Variants in EIF3A observed in about 807,000 individuals in gnomAD.
EIF3A encodes the protein eukaryotic translation initiation factor 3 subunit A.
Under a neutral mutation model 186.6 loss-of-function variants are expected in EIF3A, and 21 were observed. The observed-to-expected ratio is 0.11, with a 90% confidence interval of 0.08 to 0.16. The LOEUF (loss-of-function observed/expected upper bound fraction) is 0.16. EIF3A is among the 10% of genes least tolerant of loss of function. The pLI, the probability that EIF3A is intolerant of heterozygous loss-of-function variation, is 1.00. For synonymous variants in EIF3A, 563 were observed against 584.3 expected, an observed-to-expected ratio of 0.96 and a Z score of 0.52; for missense variants, 1,306 against 1,796.3, an observed-to-expected ratio of 0.73 and a Z score of 4.93.
chr10:119,041,005 CAAAAAAAAAAAA>C (rs34452005), intron 19 of EIF3A, among the ~76,000 whole-genome samples: 15 of 78,730 alleles, frequency 1.9e-4, no homozygotes, highest in Non-Finnish European at 2.8e-4. Flanking sequence ...ACTCCGTCTC[CAAAAAAAAAAAA>C]AAAAAAAAAA....
chr10:119,080,530 C>T, intron 1 of EIF3A, 98 bp downstream of exon 1: 1 of 1,443,340 alleles, frequency 6.9e-7, no homozygotes, highest in Non-Finnish European at 9.0e-7. Context: ...CCTCTCCCCG[C>T]GCGGGCCGGG....
At chr10:119,066,059 T>C (rs1413882555) in intron 6 of EIF3A, among the ~76,000 whole-genome samples, 1 of 151,078 alleles carries the variant, frequency 6.6e-6, no homozygotes, top group South Asian at 2.1e-4. Flanking sequence ...GAGCTTGCAG[T>C]GAGCCAAGAT....
At chr10:119,057,904 G>T in intron 12 of EIF3A, 52 bp downstream of exon 12, 1 of 1,435,056 alleles carries the variant, frequency 7.0e-7, no homozygotes. Flanking sequence ...GGTTCTAAGA[G>T]TACAAAATAC....
At position 119,059,675 on chromosome 10, in the gene EIF3A, G is replaced by T. The variant is rs1297302670; in HGVS notation, c.1370C>A (p.Ser457Tyr). The T allele has an allele frequency of 6.2e-7, 1 of 1,614,096 alleles. No homozygotes were observed. Among genetic ancestry groups the T allele is most frequent in the Non-Finnish European group, 8.5e-7 (1 of 1,180,000 alleles). Reference protein sequence around the residue: ...YQSIEFSRLTSLVPFVDAFQL... With the variant: ...YQSIEFSRLTYLVPFVDAFQL... ...GAAAGCATCAACAAAAGGAACCAAA[G>T]AAGTCAAACGAGAAAACTCAATGCT... The change falls in exon 10 of 22, where the codon TCT becomes TAT. Residue 457 changes from serine (S) to tyrosine (Y), a missense_variant. Ser to Tyr is a moderately radical substitution (Grantham distance 144, BLOSUM62 -2). Around this residue, in one of 8 missense-constraint regions of EIF3A, gnomAD observed 267 missense variants for 367.8 expected, o/e 0.73. Coordinates refer to ENST00000369144, the MANE Select transcript of EIF3A (RefSeq NM_003750.4).
intron 15 of EIF3A, among the ~76,000 whole-genome samples, 185 bp from the exon 16 acceptor site, chr10:119,050,859 T>C (rs551559754): frequency 1.3e-5 from 2 of 152,294 alleles, no homozygotes; most frequent in East Asian, 3.9e-4. Flanking sequence ...TTTTAAAACA[T>C]TTAAATTGTT....
Position 119,058,064 on chromosome 10 carries a change from A to C in EIF3A, c.1869T>G (p.Arg623=). 1 of 1,614,238 alleles carries C rather than the reference A, an allele frequency of 6.2e-7. No individual in the cohort carries two copies. Among genetic ancestry groups the C allele is most frequent in the Non-Finnish European group, 8.5e-7 (1 of 1,180,054 alleles). ...TGATTTGTTCATGTTCCTGTAAGATACGCTCCTTCTCTCTCTCCTTTGCTT... is the reference window on the plus strand; with the variant it reads ...TGATTTGTTCATGTTCCTGTAAGATCCGCTCCTTCTCTCTCTCCTTTGCTT... ...RQEAKEREKE[R]ILQEHEQIKK... Residue 623 remains arginine (R), a synonymous_variant, in exon 12 of 22, where the codon CGT becomes CGG. Transcript: ENST00000369144.
chr10:119,070,163 T>C (rs1261137581), intron 5 of EIF3A, among the ~76,000 whole-genome samples: 3 of 152,112 alleles, frequency 2.0e-5, no homozygotes, highest in Non-Finnish European at 4.4e-5. Context: ...TTTAGTTTCT[T>C]CCTCTATAAT....
chr10:119,043,569 C>T (rs1157465721), intron 18 of EIF3A, among the ~76,000 whole-genome samples: 1 of 151,552 alleles, frequency 6.6e-6, no homozygotes, highest in Non-Finnish European at 1.5e-5. Flanking sequence ...GAGCCGAGAT[C>T]GCGCCACTGC....
Position 119,046,913 on chromosome 10 carries a change from C to T in EIF3A, c.2659-2771G>A, listed in dbSNP as rs529873276. Among the ~76,000 whole-genome samples, 139 of 151,752 alleles carry T rather than the reference C, an allele frequency of 9.2e-4. 1 individual carries two copies. Among genetic ancestry groups the T allele is most frequent in the African/African-American group, 3.2e-3 (134 of 41,350 alleles). ...TGGAGGCTGCAGTGGGCCGAGATCT[C>T]GCCATTGCACTCCAGCCCGGGCAAA... On this transcript the variant is annotated intron_variant, in intron 17 of 21. Transcript: ENST00000369144.
chr10:119,036,178 C>T lies in EIF3A; in HGVS notation c.4010G>A (p.Arg1337Lys). The T allele has an allele frequency of 6.2e-7, 1 of 1,613,864 alleles. No homozygotes were observed. Among genetic ancestry groups the T allele is most frequent in the Non-Finnish European group, 8.5e-7 (1 of 1,179,974 alleles). ...PRRVPPPALS[R>K]DRERDRDRER... ...TCGGTCTCGGTCTCTTTCTCGGTCTCTTGAAAGAGCTGGGGGAGGAACTCG... is the reference window on the plus strand; with the variant it reads ...TCGGTCTCGGTCTCTTTCTCGGTCTTTTGAAAGAGCTGGGGGAGGAACTCG... Residue 1337 changes from arginine to lysine, a missense_variant, in exon 22 of 22, where the codon AGA (arginine) becomes AAA (lysine). Arg to Lys is a conservative substitution (Grantham distance 26, BLOSUM62 2). Coordinates refer to ENST00000369144, the MANE Select transcript of EIF3A (RefSeq NM_003750.4).
At chr10:119,051,481 C>CT (rs1360956911) in intron 14 of EIF3A, among the ~76,000 whole-genome samples, 160 bp from the exon 15 acceptor site, 2 of 133,992 alleles carry the variant, frequency 1.5e-5, no homozygotes, top group African/African-American at 5.0e-5. Flanking sequence ...CAATAGGTCC[C>CT]CAGAAGGCAA....
chr10:119,064,983 TAC>T (rs751767396), intron 7 of EIF3A, among the ~76,000 whole-genome samples: 33 of 152,308 alleles, frequency 2.2e-4, no homozygotes, highest in Non-Finnish European at 4.1e-4. Context: ...GTGCTGGGAT[TAC>T]AGACGTGAGC....
At chr10:119,067,663 T>C (rs560216915) in intron 6 of EIF3A, among the ~76,000 whole-genome samples, 1 of 152,282 alleles carries the variant, frequency 6.6e-6, no homozygotes, top group African/African-American at 2.4e-5. Context: ...GAAAATATAC[T>C]AGTGGGACTC....
Position 119,065,385 on chromosome 10 carries a change from A to T in EIF3A, c.1122+14T>A, listed in dbSNP as rs373794004. On this transcript the variant is annotated intron_variant, in intron 7 of 21. Coordinates refer to ENST00000369144, the MANE Select transcript of EIF3A (RefSeq NM_003750.4). ...TCTGCCCAAAGCTACAAAAATCCTCAAATTAATACTAACCATATCATTAAT... is the reference window on the plus strand; with the variant it reads ...TCTGCCCAAAGCTACAAAAATCCTCTAATTAATACTAACCATATCATTAAT... 36 of 1,583,218 alleles carry T rather than the reference A, an allele frequency of 2.3e-5. No individual in the cohort carries two copies. In the African/African-American group the frequency reaches 4.6e-4, roughly 20 times the overall value.
rs150064739 is a variant in EIF3A, at chr10:119,049,851, G to A, written c.2608C>T (p.Arg870Trp). The change falls in exon 17 of 22, where the codon CGG becomes TGG. Residue 870 changes from arginine to tryptophan, a missense_variant. Arg to Trp is a moderately radical substitution (Grantham distance 101). Coordinates refer to ENST00000369144, the MANE Select transcript of EIF3A (RefSeq NM_003750.4). ...QRELEIEERERRREEERRLGD... is the reference protein window; with the variant it reads ...QRELEIEEREWRREEERRLGD... ...AGTCTTCTCTCTTCCTCTCTACGCC[G>A]TTCTCGTTCTTCAATTTCCAACTCC... 17 of 1,613,846 alleles carry A rather than the reference G, an allele frequency of 1.1e-5. No homozygotes were observed. Among genetic ancestry groups the A allele is most frequent in the African/African-American group, 9.4e-5 (7 of 74,854 alleles).
At chr10:119,052,137 T>C (rs1438099624) in intron 14 of EIF3A, among the ~76,000 whole-genome samples, 1 of 152,182 alleles carries the variant, frequency 6.6e-6, no homozygotes, top group African/African-American at 2.4e-5. Flanking sequence ...AAGAGTAGAA[T>C]TTCAATTTGA....
chr10:119,057,177 T>C, intron 12 of EIF3A, 137 bp from the exon 13 acceptor site: 1 of 608,214 alleles, frequency 1.6e-6, no homozygotes. Flanking sequence ...TGTAAAAATA[T>C]TATACAATAG....
At chr10:119,076,019 C>A (rs1844166366) in intron 1 of EIF3A, among the ~76,000 whole-genome samples, 1 of 148,718 alleles carries the variant, frequency 6.7e-6, no homozygotes, top group African/African-American at 2.5e-5. Flanking sequence ...AGCCACCGCA[C>A]CCAGCCAATA....
rs373737666 is a variant in EIF3A, at chr10:119,074,656, G to A, written c.50-719C>T. On this transcript the variant is annotated intron_variant, in intron 1 of 21. Transcript: ENST00000369144. ...AATAAAAAAATAGAAAAATGGGGCC[G>A]GGAGCGGTGGCTTATGCCTGTAATC... 8.2e-4 allele frequency among the ~76,000 whole-genome samples: 124 copies of A among 151,008 alleles called. 1 individual carries two copies. Among genetic ancestry groups the A allele is most frequent in the East Asian group, 6.2e-3 (32 of 5,124 alleles).
Sources: allele counts gnomAD v4.1 joint callset (sites outside exome capture counted in the v4.1 genomes callset), GRCh38; gene constraint gnomAD v4.1.1; regional missense constraint gnomAD v4.1.1; transcripts MANE v1.5; gene names NCBI Gene and HGNC (gene_info 2026-07-23, HGNC 2026-07-21).